FLII: variants seen among roughly 807,000 people sequenced by gnomAD.
The protein encoded by FLII is protein flightless-1 homolog.
FLII carries 101 observed loss-of-function variants against 156.2 expected under a neutral mutation model. The ratio of observed to expected loss-of-function variants is 0.65; its 90% CI spans 0.55 to 0.76. The LOEUF (loss-of-function observed/expected upper bound fraction) is 0.76, where lower values mean the gene tolerates loss of function less well. FLII is among the 30% of genes least tolerant of loss of function. The pLI is 0.00. For synonymous variants in FLII, 767 were observed against 685.8 expected (o/e 1.12, Z -1.85); for missense variants, 1,675 against 1,682.8 (o/e 1.00, Z 0.08).
intron 23 of FLII, 62 bp downstream of exon 23, chr17:18,246,532 T>C (rs530284418): frequency 6.2e-7 from 1 of 1,611,272 alleles, no homozygotes; most frequent in Non-Finnish European, 8.5e-7. Context: ...TAACCTTCGC[T>C]GGGTCTGAGC....
chr17:18,252,069 G>A lies in FLII; in HGVS notation c.1176C>T (p.Ile392=), dbSNP rs376804694. ...GCAGCTGGTTCTGCAGCGAGAAGTC[G>A]ATGTTGTACCACTCAGCGGCACGGT... is the stretch of plus-strand genomic sequence containing the variant. ...PADRAAEWYN[I]DFSLQNQLRL... is the part of the protein sequence containing the mutation. The change falls in exon 11 of 30, where the codon ATC becomes ATT. Residue 392 remains isoleucine, a synonymous_variant. Transcript: ENST00000327031. 42 of 1,613,306 alleles carry A rather than the reference G, an allele frequency of 2.6e-5. No individual in the cohort carries two copies. Among genetic ancestry groups the A allele is most frequent in the Admixed American group, 3.3e-5 (2 of 60,010 alleles).
chr17:18,245,665 G>GAATC lies in FLII; in HGVS notation c.3504-9_3504-6dup, dbSNP rs1436134721. ...TAGCCCTTCTCGTTGGAGCACCTGG[G>GAATC]AATCAAGGGTCAAGGTGAGGCCAGA... is the stretch of plus-strand genomic sequence containing the variant. On this transcript the variant is annotated splice_polypyrimidine_tract_variant and splice_region_variant and intron_variant, in intron 27 of 29. Transcript: ENST00000327031. 1 of 1,613,452 alleles carries GAATC rather than the reference G, an allele frequency of 6.2e-7. No individual in the cohort carries two copies. The highest frequency in any genetic ancestry group is 8.5e-7 in the Non-Finnish European group (1 of 1,179,724).
At position 18,245,991 on chromosome 17, in the gene FLII, TTCGTCAGGG is replaced by T. The variant is rs2048034688; in HGVS notation, c.3330_3338del (p.Asp1110_Asp1112del). On this transcript the variant is annotated inframe_deletion, in exon 26 of 30. Coordinates refer to ENST00000327031, the MANE Select transcript of FLII (RefSeq NM_002018.4). ...TCAGGATGTCTTCTGCCAACTTGGC[TTCGTCAGGG>T]TCTGATGCCCGGCCCACCCAGGCAT... The T allele has an allele frequency of 6.2e-7, 1 of 1,613,978 alleles. No homozygotes were observed. The highest frequency in any genetic ancestry group is 1.3e-5 in the African/African-American group (1 of 74,870).
chr17:18,254,822 C>T lies in FLII; in HGVS notation c.360G>A (p.Pro120=), dbSNP rs199819884. 9.0e-5 allele frequency: 145 copies of T among 1,614,136 alleles called. No homozygotes were observed. The highest frequency in any genetic ancestry group is 2.7e-4 in the African/African-American group (20 of 75,028). ...DLSHNQLTEC[P]RELENAKNML... ...TGTTCTTGGCGTTCTCCAGCTCCCG[C>T]GGGCACTCTGTCAGCTGGTTGTGGC... Residue 120 remains proline (P), a synonymous_variant, in exon 5 of 30, where the codon CCG becomes CCA. Coordinates refer to ENST00000327031, the MANE Select transcript of FLII (RefSeq NM_002018.4).
rs372314598 is a variant in FLII at position 18,246,900 on chromosome 17, G to A, written c.2816+13C>T. The A allele has an allele frequency of 3.1e-6, 5 of 1,614,060 alleles. No homozygotes were observed. The African/African-American group carries it at 5.3e-5, about 17-fold the overall frequency. On this transcript the variant is annotated intron_variant, in intron 22 of 29. Coordinates refer to ENST00000327031, the MANE Select transcript of FLII (RefSeq NM_002018.4). Reference sequence around the variant, plus strand: ...AGGGGAGGGACTTGGGGAAGGGAGTGCTGAGGTGGTACCTGCAGAGGAAGA... The same window carrying A: ...AGGGGAGGGACTTGGGGAAGGGAGTACTGAGGTGGTACCTGCAGAGGAAGA...
Position 18,246,299 on chromosome 17 carries a change from G to A in FLII, c.3206+9C>T. The A allele has an allele frequency of 1.2e-6, 2 of 1,613,912 alleles. No homozygotes were observed. Among genetic ancestry groups the A allele is most frequent in the Non-Finnish European group, 1.7e-6 (2 of 1,180,026 alleles). On this transcript the variant is annotated intron_variant, in intron 24 of 29. Coordinates refer to ENST00000327031, the MANE Select transcript of FLII (RefSeq NM_002018.4). ...TTGCTCGCCACTGCGTCCTCCCCCA[G>A]CCAGGCACCGGGTGCAGAGGGCGCT...
At chr17:18,248,743 A>G (rs2048166867) in intron 17 of FLII, 22 bp from the exon 18 acceptor site, 1 of 1,614,070 alleles carries the variant, frequency 6.2e-7, no homozygotes, top group Non-Finnish European at 8.5e-7. Flanking sequence ...ATGCAAAGTC[A>G]TCAGCGAGGC....
At position 18,245,111 on chromosome 17, in the gene FLII, C is replaced by G. The variant is rs771551666; in HGVS notation, c.*27G>C. The G allele has an allele frequency of 1.4e-5, 23 of 1,594,544 alleles. No homozygotes were observed. The highest frequency in any genetic ancestry group is 2.0e-5 in the Non-Finnish European group (23 of 1,167,906). ...GGATGAGGCCCCTTCCTCTTCCTCA[C>G]CAAGCCTGGGGCTGTGCCAGCCTGT... is the stretch of plus-strand genomic sequence containing the variant. On this transcript the variant is annotated 3_prime_UTR_variant, in exon 30 of 30. Coordinates refer to ENST00000327031, the MANE Select transcript of FLII (RefSeq NM_002018.4).
Position 18,246,027 on chromosome 17 carries a change from C to T in FLII, c.3303G>A (p.Val1101=), listed in dbSNP as rs2048036249. Reference sequence around the variant, plus strand: ...CTGATGCCCGGCCCACCCAGGCATACACGATGCCCTGGTTGTCCTCACTCT... The same window carrying T: ...CTGATGCCCGGCCCACCCAGGCATATACGATGCCCTGGTTGTCCTCACTCT... ...PFESEDNQGI[V]YAWVGRASDP... Residue 1101 remains valine (V), a synonymous_variant, in exon 26 of 30, where the codon GTG becomes GTA. Transcript: ENST00000327031. The T allele has an allele frequency of 3.7e-6, 6 of 1,614,052 alleles. No homozygotes were observed. Among genetic ancestry groups the T allele is most frequent in the East Asian group, 2.2e-5 (1 of 44,886 alleles).
Position 18,249,133 on chromosome 17 carries a change from T to A in FLII, c.1928A>T (p.Asp643Val). 2 of 1,613,702 alleles carry A rather than the reference T, an allele frequency of 1.2e-6. No individual in the cohort carries two copies. The part of the protein sequence containing the change: ...EPVPLKGTSL[D>V]PRFVFLLDRG... Reference sequence around the variant, plus strand: ...TCACATTGTTGGGGCTCACCTTGGGTCCAGAGAGGTCCCCTTGAGGGGCAC... The same window carrying A: ...TCACATTGTTGGGGCTCACCTTGGGACCAGAGAGGTCCCCTTGAGGGGCAC... Residue 643 changes from aspartate to valine, a missense_variant, in exon 16 of 30, where the codon GAC (aspartate) becomes GTC (valine). Around this residue, in one of 2 missense-constraint regions of FLII, gnomAD observed 1,332 missense variants for 1,269.3 expected, o/e 1.05. Transcript: ENST00000327031.
rs748043626 is a variant in FLII, at chr17:18,245,804, A to G, written c.3443T>C (p.Ile1148Thr). 3.7e-6 allele frequency: 6 copies of G among 1,613,922 alleles called. No individual in the cohort carries two copies. Among genetic ancestry groups the G allele is most frequent in the South Asian group, 2.2e-5 (2 of 91,068 alleles). The change falls in exon 27 of 30, where the codon ATT becomes ACT. Residue 1148 changes from isoleucine (I) to threonine (T), a missense_variant. Physicochemically the swap from Ile to Thr is moderately conservative, Grantham distance 89. Around this residue, in one of 2 missense-constraint regions of FLII, gnomAD observed 1,332 missense variants for 1,269.3 expected, o/e 1.05. Coordinates refer to ENST00000327031, the MANE Select transcript of FLII (RefSeq NM_002018.4). ...GTCATCATAGGGCTTCTGTGCCCCA[A>G]TGCCCACCCAGAAGAAGTTCTCAGG... ...EEPENFFWVG[I>T]GAQKPYDDDA...
chr17:18,248,052 A>C lies in FLII; in HGVS notation c.2191-19T>G. On this transcript the variant is annotated intron_variant, in intron 18 of 29. Transcript: ENST00000327031. ...GGCCCACCTGGCAGGAAGGATGAGCATGGCAGGGAAGGGATCTGGAGACAG... is the reference window on the plus strand; with the variant it reads ...GGCCCACCTGGCAGGAAGGATGAGCCTGGCAGGGAAGGGATCTGGAGACAG... The C allele has an allele frequency of 6.4e-7, 1 of 1,568,492 alleles. No individual in the cohort carries two copies. Among genetic ancestry groups the C allele is most frequent in the East Asian group, 2.2e-5 (1 of 44,594 alleles).
In FLII at chr17:18,258,173, G is replaced by A. The variant is rs185405355; in HGVS notation, c.63+455C>T. On this transcript the variant is annotated intron_variant, in intron 1 of 29. Coordinates refer to ENST00000327031, the MANE Select transcript of FLII (RefSeq NM_002018.4). This position sits in a 1 kb window ranked among gnomAD's most constrained non-coding sequence, Gnocchi z 4.2. ...GAGGGGAAGTGATCTGAGAGGCCCA[G>A]GATCACACAGTATGGCGGGTGGCGG... is the stretch of plus-strand genomic sequence containing the variant. Among the ~76,000 whole-genome samples, 97 of 152,392 alleles carry A rather than the reference G, an allele frequency of 6.4e-4. No individual in the cohort carries two copies. The highest frequency in any genetic ancestry group is 2.2e-3 in the African/African-American group (93 of 41,606).
chr17:18,251,016 G>A lies in FLII; in HGVS notation c.1598C>T (p.Thr533Ile), dbSNP rs1380529072. The A allele has an allele frequency of 1.2e-6, 2 of 1,612,464 alleles. No homozygotes were observed. Among genetic ancestry groups the A allele is most frequent in the Non-Finnish European group, 8.5e-7 (1 of 1,179,364 alleles). Residue 533 changes from threonine (T) to isoleucine (I), a missense_variant and splice_region_variant, in exon 14 of 30, where the codon ACC becomes ATC. Physicochemically the swap from Thr to Ile is moderately conservative, Grantham distance 89. Around this residue, in one of 2 missense-constraint regions of FLII, gnomAD observed 1,332 missense variants for 1,269.3 expected, o/e 1.05. Transcript: ENST00000327031. ...GAGGGAGCCGCTGTCATCCAGAAAGGTCTGGAAGCCAAGGCACCGGCCACA... is the reference window on the plus strand; with the variant it reads ...GAGGGAGCCGCTGTCATCCAGAAAGATCTGGAAGCCAAGGCACCGGCCACA... ...YEADCYIVLK[T>I]FLDDSGSLNW...
chr17:18,255,406 C>T (rs2048385386), intron 3 of FLII, 143 bp from the exon 4 acceptor site: 1 of 666,640 alleles, frequency 1.5e-6, no homozygotes, highest in East Asian at 2.6e-5. Context: ...TCAAATAGCT[C>T]CCTCTCCTGG....
Position 18,245,600 on chromosome 17 carries a change from A to T in FLII, c.3564T>A (p.Asp1188Glu), listed in dbSNP as rs778191743. Residue 1188 changes from aspartate (D) to glutamate (E), a missense_variant, in exon 28 of 30, where the codon GAT becomes GAA. Transcript: ENST00000327031. ...VTEKCSDFCQDDLADDDIMLL... is the reference protein window; with the variant it reads ...VTEKCSDFCQEDLADDDIMLL... ...ACATGATGTCATCATCTGCCAGGTC[A>T]TCTTGGCAAAAGTCGGAGCATTTCT... 1.9e-6 allele frequency: 3 copies of T among 1,613,856 alleles called. No individual in the cohort carries two copies. Among genetic ancestry groups the T allele is most frequent in the Admixed American group, 1.7e-5 (1 of 60,006 alleles).
chr17:18,249,790 TAAAA>T (rs1330891625), intron 14 of FLII, among the ~76,000 whole-genome samples: 1 of 133,570 alleles, frequency 7.5e-6, no homozygotes, highest in Non-Finnish European at 1.6e-5. Context: ...AACTCTGTCT[TAAAA>T]CAAACAAACA....
In FLII at chr17:18,258,635, T is replaced by C. The variant is rs1195687801; in HGVS notation, c.56A>G (p.Asp19Gly). The change falls in exon 1 of 30, where the codon GAC becomes GGC. Residue 19 changes from aspartate to glycine, a missense_variant. Asp to Gly is a moderately conservative substitution (Grantham distance 94, BLOSUM62 -1). Around this residue, in one of 2 missense-constraint regions of FLII, gnomAD observed 343 missense variants for 413.5 expected, o/e 0.83. Coordinates refer to ENST00000327031, the MANE Select transcript of FLII (RefSeq NM_002018.4). The surrounding 1 kb of genome is among the most constrained non-coding windows in gnomAD (Gnocchi z 4.2). ...GCGCCCGGCCCGGCTCACCTTGAAG[T>C]CGTTGCCGCTGAGGTCCACGCCACG... ...FVRGVDLSGN[D>G]FKGGYFPENV... is the part of the protein sequence containing the mutation. 2.6e-6 allele frequency: 4 copies of C among 1,559,322 alleles called. No homozygotes were observed. In the African/African-American group the frequency reaches 4.2e-5, roughly 16 times the overall value.
Position 18,247,316 on chromosome 17 carries a change from C to G in FLII, c.2529G>C (p.Thr843=). 6.2e-7 allele frequency: 1 copy of G among 1,610,136 alleles called. No homozygotes were observed. Among genetic ancestry groups the G allele is most frequent in the Non-Finnish European group, 8.5e-7 (1 of 1,178,858 alleles). The change falls in exon 21 of 30, where the codon ACG becomes ACC. Residue 843 remains threonine, a synonymous_variant. Coordinates refer to ENST00000327031, the MANE Select transcript of FLII (RefSeq NM_002018.4). Reference sequence around the variant, plus strand: ...CCTCCGCATTGCGTGTGTAGTCCACCGTCAACACATCGTCCCAATTCTTGA... The same window carrying G: ...CCTCCGCATTGCGTGTGTAGTCCACGGTCAACACATCGTCCCAATTCTTGA... ...AKFKNWDDVL[T]VDYTRNAEAV...
Sources: allele counts gnomAD v4.1 joint callset (sites outside exome capture counted in the v4.1 genomes callset), GRCh38; gene constraint gnomAD v4.1.1; regional missense constraint gnomAD v4.1.1; non-coding constraint Gnocchi (gnomAD v3.1); transcripts MANE v1.5; gene names NCBI Gene and HGNC (gene_info 2026-07-23, HGNC 2026-07-21).